Variants in ATG101 observed in about 807,000 individuals in gnomAD.
The protein encoded by ATG101 is autophagy-related protein 101.
A neutral mutation model predicts 16.7 loss-of-function variants in ATG101; 6 were observed. The ratio of observed to expected loss-of-function variants is 0.36; its 90% CI spans 0.20 to 0.71. The LOEUF is 0.71. Among genes scored for constraint, ATG101 ranks in the 30% least tolerant of loss-of-function variants. The pLI, the probability that ATG101 is intolerant of heterozygous loss-of-function variation, is 0.57. For synonymous variants in ATG101, 108 were observed against 118.1 expected (o/e 0.91, Z 0.56); for missense variants, 200 against 292.5 (o/e 0.68, Z 2.31).
intron 2 of ATG101, among the ~76,000 whole-genome samples, chr12:52,072,504 T>C (rs1310516759): frequency 1.3e-5 from 2 of 152,230 alleles, no homozygotes; most frequent in Non-Finnish European, 1.5e-5. Context: ...TAACTACATC[T>C]ACTGTAGTGG....
upstream of ATG101, among the ~76,000 whole-genome samples, chr12:52,065,964 G>A (rs941249331): frequency 2.6e-5 from 4 of 152,130 alleles, no homozygotes; most frequent in African/African-American, 4.8e-5. Context: ...CACAATCGCC[G>A]CCTCCCGGGT....
chr12:52,077,195 C>A lies in ATG101; in HGVS notation c.*5C>A. 1 of 1,609,554 alleles carries A rather than the reference C, an allele frequency of 6.2e-7. No individual in the cohort carries two copies. Among genetic ancestry groups the A allele is most frequent in the Non-Finnish European group, 8.5e-7 (1 of 1,176,362 alleles). ...AAAGACACCCTTGCCCTCTGAGCGT[C>A]GCTGGATCTCTGGGAGCTCCTTGAT... On this transcript the variant is annotated 3_prime_UTR_variant, in exon 4 of 4. Coordinates refer to ENST00000336854, the MANE Select transcript of ATG101 (RefSeq NM_021934.5).
Position 52,076,985 on chromosome 12 carries a change from A to C in ATG101, c.452A>C (p.Lys151Thr), listed in dbSNP as rs1939742187. 1 of 1,614,092 alleles carries C rather than the reference A, an allele frequency of 6.2e-7. No homozygotes were observed. Among genetic ancestry groups the C allele is most frequent in the African/African-American group, 1.3e-5 (1 of 74,944 alleles). ...AAGGTGGGTGAGAAACTCTGCGAGA[A>C]GATCATCAACATCGTGGAGGTGATG... ...REKVGEKLCE[K>T]IINIVEVMNR... Residue 151 changes from lysine to threonine, a missense_variant, in exon 4 of 4, where the codon AAG becomes ACG. By Grantham distance (78) the Lys-to-Thr change is moderately conservative. Coordinates refer to ENST00000336854, the MANE Select transcript of ATG101 (RefSeq NM_021934.5).
chr12:52,077,130 C>T lies in ATG101; in HGVS notation c.597C>T (p.Ala199=). 2 of 1,614,188 alleles carry T rather than the reference C, an allele frequency of 1.2e-6. No homozygotes were observed. The highest frequency in any genetic ancestry group is 1.7e-6 in the Non-Finnish European group (2 of 1,180,040). Residue 199 remains alanine, a synonymous_variant, in exon 4 of 4, where the codon GCC becomes GCT. Transcript: ENST00000336854. ...LYKISFQITD[A]LGTSVTTTMR... is the part of the protein sequence containing the mutation. ...AGATCTCCTTCCAGATCACTGATGC[C>T]CTGGGCACCTCAGTCACCACCACCA...
chr12:52,074,087 G>A (rs989134025), intron 3 of ATG101, among the ~76,000 whole-genome samples, 185 bp downstream of exon 3: 2 of 139,978 alleles, frequency 1.4e-5, no homozygotes, highest in South Asian at 2.3e-4. Flanking sequence ...GCGCGCGGGC[G>A]CGTGTGTGTG....
At chr12:52,076,003 T>TA (rs1036538144) in intron 3 of ATG101, among the ~76,000 whole-genome samples, 3 of 151,648 alleles carry the variant, frequency 2.0e-5, no homozygotes, top group Non-Finnish European at 2.9e-5. Flanking sequence ...CTTAACAAAA[T>TA]AAAAAAAATT....
chr12:52,072,841 C>T (rs1312460840), intron 2 of ATG101, among the ~76,000 whole-genome samples: 6 of 151,962 alleles, frequency 3.9e-5, no homozygotes, highest in Non-Finnish European at 8.8e-5. Context: ...GGCATGATCT[C>T]AGCTCACTGC....
intron 3 of ATG101, among the ~76,000 whole-genome samples, chr12:52,075,561 C>T (rs1939718879): frequency 6.6e-6 from 1 of 152,218 alleles, no homozygotes; most frequent in Non-Finnish European, 1.5e-5. Flanking sequence ...AGGAAAGCCT[C>T]TTCCCTGATG....
Position 52,077,362 on chromosome 12 carries a change from T to A in ATG101, c.*172T>A. On this transcript the variant is annotated 3_prime_UTR_variant, in exon 4 of 4. Coordinates refer to ENST00000336854, the MANE Select transcript of ATG101 (RefSeq NM_021934.5). Reference sequence around the variant, plus strand: ...GGTTGCCAGCCTCAGGTCATCCTTTTAATCTTTGCTGACGGTTCAGTCCTG... The same window carrying A: ...GGTTGCCAGCCTCAGGTCATCCTTTAAATCTTTGCTGACGGTTCAGTCCTG... 1 of 731,692 alleles carries A rather than the reference T, an allele frequency of 1.4e-6. No individual in the cohort carries two copies. The highest frequency in any genetic ancestry group is 2.2e-6 in the Non-Finnish European group (1 of 457,900). 45.3% of individuals were successfully genotyped at this position (731,692 alleles called of 1,614,324 possible).
upstream of ATG101, among the ~76,000 whole-genome samples, chr12:52,068,028 A>G (rs904967482): frequency 1.3e-5 from 2 of 151,788 alleles, no homozygotes; most frequent in East Asian, 3.9e-4. Flanking sequence ...GGGAAATAAA[A>G]GCATGTGTTA....
upstream of ATG101, among the ~76,000 whole-genome samples, chr12:52,066,515 G>T (rs772559252): frequency 6.6e-6 from 1 of 152,128 alleles, no homozygotes; most frequent in African/African-American, 2.4e-5. Context: ...TTAACCAACT[G>T]TCTAGGTACC....
intron 2 of ATG101, 97 bp downstream of exon 2, chr12:52,070,580 C>T (rs1056613175): frequency 6.6e-6 from 1 of 152,360 alleles, no homozygotes; most frequent in African/African-American, 2.4e-5. Context: ...CTTTCCAGAC[C>T]CTACTCTGGT....
chr12:52,073,831 G>A lies in ATG101; in HGVS notation c.181G>A (p.Asp61Asn), dbSNP rs529183008. The change falls in exon 3 of 4, where the codon GAC becomes AAC. Residue 61 changes from aspartate to asparagine, a missense_variant. Physicochemically the swap from Asp to Asn is conservative, Grantham distance 23 (BLOSUM62 1). Transcript: ENST00000336854. ...GTQDVDCDFI[D>N]FTYVRVSSEE... ...CCAGGATGTTGACTGTGACTTCATC[G>A]ACTTCACTTATGTGCGTGTCTCTTC... 1.9e-6 allele frequency: 3 copies of A among 1,614,188 alleles called. No homozygotes were observed. The highest frequency in any genetic ancestry group is 1.1e-5 in the South Asian group (1 of 91,076).
At position 52,076,894 on chromosome 12, in the gene ATG101, G is replaced by C; in HGVS notation, c.361G>C (p.Val121Leu). 6.2e-7 allele frequency: 1 copy of C among 1,614,236 alleles called. No homozygotes were observed. Among genetic ancestry groups the C allele is most frequent in the Non-Finnish European group, 8.5e-7 (1 of 1,180,044 alleles). The change falls in exon 4 of 4, where the codon GTG becomes CTG. Residue 121 changes from valine to leucine, a missense_variant. Val to Leu is a conservative substitution (Grantham distance 32). Transcript: ENST00000336854. ...CTCAGACGAGTGCATCCCATGGGAA[G>C]TGTGGACGGTCAAGGTGCATGTGGT... The part of the protein sequence containing the change: ...PFSDECIPWE[V>L]WTVKVHVVAL...
chr12:52,069,965 G>C (rs1939613941), upstream of ATG101: 1 of 152,392 alleles, frequency 6.6e-6, no homozygotes, highest in South Asian at 2.1e-4. Flanking sequence ...GCGCGCGGGG[G>C]GCGGTGCGGC....
At chr12:52,069,128 C>T (rs1320098476), upstream of ATG101, 1 of 151,188 alleles carries the variant, frequency 6.6e-6, no homozygotes, top group Non-Finnish European at 1.5e-5. Context: ...GGAAGTTACA[C>T]AGCACTAAAA....
At chr12:52,071,724 G>A (rs1195772182) in intron 2 of ATG101, among the ~76,000 whole-genome samples, 3 of 152,106 alleles carry the variant, frequency 2.0e-5, no homozygotes, top group African/African-American at 7.2e-5. Flanking sequence ...AGGCTGGGAT[G>A]GGAGCCTGGG....
chr12:52,076,764 T>C (rs779844909), intron 3 of ATG101, 22 bp from the exon 4 acceptor site: 2 of 1,605,736 alleles, frequency 1.2e-6, no homozygotes, highest in African/African-American at 2.7e-5. Flanking sequence ...CTTGGCTTGC[T>C]CATTCGTTCC....
At chr12:52,068,987 T>C (rs1262932120), upstream of ATG101, among the ~76,000 whole-genome samples, 3 of 48,068 alleles carry the variant, frequency 6.2e-5, no homozygotes, top group African/African-American at 3.7e-4. Context: ...CGAGACGCCG[T>C]CTCAAAAAAA....
Sources: gnomAD v4.1 joint callset for allele counts (sites outside exome capture counted in the v4.1 genomes callset) on GRCh38, gnomAD v4.1.1 for gene constraint, MANE v1.5 for transcripts, NCBI Gene and HGNC (gene_info 2026-07-23, HGNC 2026-07-21) for gene names.